The following KIF13B variants were observed in gnomAD, a reference collection of about 807,000 sequenced individuals.
The protein encoded by KIF13B is kinesin-like protein KIF13B.
KIF13B carries 127 observed loss-of-function variants against 222.0 expected under a neutral mutation model. The ratio of observed to expected loss-of-function variants is 0.57; its 90% CI spans 0.50 to 0.66. KIF13B has a LOEUF of 0.66. KIF13B is among the 30% of genes least tolerant of loss of function. The probability of loss-of-function intolerance (pLI) is 0.00; values close to 1 mark genes in which losing one functional copy is unlikely to be tolerated. For synonymous variants in KIF13B, 976 were observed against 919.0 expected, an observed-to-expected ratio of 1.06 and a Z score of -1.12; for missense variants, 2,173 against 2,379.0, an observed-to-expected ratio of 0.91 and a Z score of 1.80.
chr8:29,218,672 AAAT>A (rs1814602732), intron 2 of KIF13B, among the ~76,000 whole-genome samples: 1 of 152,232 alleles, frequency 6.6e-6, no homozygotes, highest in South Asian at 2.1e-4. Context: ...CAGAAAACAC[AAAT>A]AAAACTGCAG....
At chr8:29,129,502 G>A (rs1244546155) in intron 24 of KIF13B, among the ~76,000 whole-genome samples, 3 of 152,132 alleles carry the variant, frequency 2.0e-5, no homozygotes, top group African/African-American at 7.2e-5. Context: ...GTAAGCAAAT[G>A]TTCTCTTTCC....
chr8:29,196,138 A>T, intron 3 of KIF13B, 49 bp downstream of exon 3: 1 of 1,459,356 alleles, frequency 6.9e-7, no homozygotes, highest in South Asian at 1.3e-5. Flanking sequence ...GTTCAACAAC[A>T]TGCATATAAG....
chr8:29,222,251 C>T (rs911107165), intron 2 of KIF13B, among the ~76,000 whole-genome samples: 9 of 151,636 alleles, frequency 5.9e-5, no homozygotes, highest in South Asian at 2.1e-4. Flanking sequence ...CTCAAGAGGC[C>T]GAAGCAAGAG....
At chr8:29,176,023 C>T (rs762701495) in intron 10 of KIF13B, 45 bp downstream of exon 10, 3 of 1,147,000 alleles carry the variant, frequency 2.6e-6, no homozygotes, top group African/African-American at 1.5e-5. Flanking sequence ...TTCCTTCTTG[C>T]CAACCACCAA....
rs1444695329 is a variant in KIF13B at position 29,140,453 on chromosome 8, G to A, written c.2484+15C>T. The stretch of plus-strand genomic sequence containing the variant: ...CTATTCTCTACAGGAAACAAGGCAT[G>A]AAGAGAAAACCAACCTCTCCTTTCT... On this transcript the variant is annotated intron_variant, in intron 20 of 39. Transcript: ENST00000524189. The A allele has an allele frequency of 3.7e-6, 6 of 1,610,906 alleles. No individual in the cohort carries two copies. The highest frequency in any genetic ancestry group is 5.1e-6 in the Non-Finnish European group (6 of 1,178,066).
intron 24 of KIF13B, among the ~76,000 whole-genome samples, chr8:29,129,843 T>A (rs115695776): frequency 6.6e-6 from 1 of 152,194 alleles, no homozygotes; most frequent in Admixed American, 6.5e-5. Flanking sequence ...CCCTGTGCTT[T>A]AAACATGCAT....
rs193119386 is a variant in KIF13B at position 29,175,889 on chromosome 8, G to T, written c.945+179C>A. Among the ~76,000 whole-genome samples, 175 of 152,270 alleles carry T rather than the reference G, an allele frequency of 1.1e-3. 3 individuals are homozygous for T. The highest frequency in any genetic ancestry group is 3.4e-3 in the Middle Eastern group (1 of 294). ...GTTCTAGTAAGCTAGGATGTGAATTGCTAGGAAAAAACCTACGTTTATTCC... is the reference window on the plus strand; with the variant it reads ...GTTCTAGTAAGCTAGGATGTGAATTTCTAGGAAAAAACCTACGTTTATTCC... On this transcript the variant is annotated intron_variant, in intron 10 of 39. Transcript: ENST00000524189.
chr8:29,198,034 G>A (rs1813519495), intron 2 of KIF13B, among the ~76,000 whole-genome samples: 1 of 152,084 alleles, frequency 6.6e-6, no homozygotes, highest in Admixed American at 6.6e-5. Flanking sequence ...TTGTTGCTTT[G>A]TCTCCTGAGA....
intron 1 of KIF13B, among the ~76,000 whole-genome samples, chr8:29,259,058 GTAA>G (rs543196082): frequency 1.1e-3 from 173 of 152,030 alleles, no homozygotes; most frequent in African/African-American, 3.8e-3. Context: ...TTTTTACATA[GTAA>G]TAATAATAGA....
At chr8:29,083,657 A>G (rs949306992) in intron 37 of KIF13B, among the ~76,000 whole-genome samples, 1 of 152,210 alleles carries the variant, frequency 6.6e-6, no homozygotes, top group Non-Finnish European at 1.5e-5. Context: ...TGGAAAACTA[A>G]AAGAGTGATA....
At chr8:29,197,336 C>CAAAAAAAAAAAAAAAAAAA (rs71222598) in intron 2 of KIF13B, among the ~76,000 whole-genome samples, 5 of 57,770 alleles carry the variant, frequency 8.7e-5, no homozygotes, top group African/African-American at 1.4e-4. Context: ...GACTCCGTCT[C>CAAAAAAAAAAAAAAAAAAA]AAAAAAAAAA....
intron 18 of KIF13B, among the ~76,000 whole-genome samples, chr8:29,142,900 C>A (rs1810882655): frequency 6.8e-6 from 1 of 148,004 alleles, no homozygotes; most frequent in African/African-American, 2.5e-5. Flanking sequence ...GTCACCCAGG[C>A]TGGAGTGCAG....
At chr8:29,222,048 A>G (rs1814776980) in intron 2 of KIF13B, among the ~76,000 whole-genome samples, 1 of 152,144 alleles carries the variant, frequency 6.6e-6, no homozygotes, top group African/African-American at 2.4e-5. Flanking sequence ...ACTGTTTTCT[A>G]TAAAAATACC....
intron 21 of KIF13B, among the ~76,000 whole-genome samples, chr8:29,137,386 G>A (rs994772512): frequency 6.6e-6 from 1 of 152,234 alleles, no homozygotes; most frequent in Non-Finnish European, 1.5e-5. Flanking sequence ...CAAGGTGTCA[G>A]AGTATCACAG....
intron 2 of KIF13B, among the ~76,000 whole-genome samples, chr8:29,208,801 C>T (rs1814075889): frequency 6.6e-6 from 1 of 152,214 alleles, no homozygotes. Flanking sequence ...ATGCTCCCCA[C>T]AACAAGCACC....
chr8:29,100,577 C>T (rs10101593), intron 35 of KIF13B, among the ~76,000 whole-genome samples: 18,531 of 151,888 alleles, frequency 0.12, 1,170 homozygotes, highest in Middle Eastern at 0.15. Flanking sequence ...CTGAGTAGTT[C>T]GGATTACAGG....
At chr8:29,081,684 G>C (rs1384445582) in intron 37 of KIF13B, among the ~76,000 whole-genome samples, 1 of 152,136 alleles carries the variant, frequency 6.6e-6, no homozygotes, top group Non-Finnish European at 1.5e-5. Context: ...AAATTAATCT[G>C]ACCTGTATTC....
chr8:29,181,038 G>A (rs1241652524), intron 7 of KIF13B, among the ~76,000 whole-genome samples: 2 of 152,208 alleles, frequency 1.3e-5, no homozygotes, highest in African/African-American at 4.8e-5. Flanking sequence ...GCCGAGCTAA[G>A]AGACTACATT....
At chr8:29,145,890 T>C (rs937449525) in intron 18 of KIF13B, 2 of 156,424 alleles carry the variant, frequency 1.3e-5, no homozygotes, top group African/African-American at 4.8e-5. Flanking sequence ...CCCTACATTT[T>C]ATTAAATTTA....
Sources: allele counts gnomAD v4.1 joint callset (sites outside exome capture counted in the v4.1 genomes callset), GRCh38; gene constraint gnomAD v4.1.1; transcripts MANE v1.5; gene names NCBI Gene and HGNC (gene_info 2026-07-23, HGNC 2026-07-21).